FBN1: variants seen among roughly 807,000 people sequenced by gnomAD.
FBN1 encodes fibrillin-1.
In FBN1, 29 loss-of-function variants were observed where a neutral mutation model predicts 365.1. The ratio of observed to expected loss-of-function variants is 0.08; its 90% CI spans 0.06 to 0.11. The LOEUF is 0.11. FBN1 is among the 10% of genes least tolerant of loss of function. FBN1 has a pLI of 1.00. For synonymous variants in FBN1, 1,210 were observed against 1,270.5 expected, an observed-to-expected ratio of 0.95 and a Z score of 1.01; for missense variants, 2,476 against 3,703.2, an observed-to-expected ratio of 0.67 and a Z score of 8.60.
rs1597513298 is a variant in FBN1, at chr15:48,421,592, T to C, written c.7665A>G (p.Gly2555=). 4 of 1,613,534 alleles carry C rather than the reference T, an allele frequency of 2.5e-6. No homozygotes were observed. In the South Asian group the frequency reaches 4.4e-5, roughly 18 times the overall value. ...TGGAGCCGGTCTGATCAAGTGAGAA[T>C]CCCCGCTGGCATTCACAGGTGAAGC... is the stretch of plus-strand genomic sequence containing the variant. The part of the protein sequence containing the change: ...PGSFTCECQR[G]FSLDQTGSSC... The change falls in exon 62 of 66, where the codon GGA becomes GGG. Residue 2555 remains glycine (G), a synonymous_variant. Transcript: ENST00000316623.
intron 24 of FBN1, 70 bp from the exon 25 acceptor site, chr15:48,490,148 T>C (rs2043546457): frequency 7.7e-7 from 1 of 1,290,410 alleles, no homozygotes; most frequent in Admixed American, 1.8e-5. Context: ...GCCAACACTC[T>C]GTTAGGTAAA....
chr15:48,531,116 T>TC lies in FBN1; in HGVS notation c.862+2963dup, dbSNP rs1259653528. 4.6e-5 allele frequency among the ~76,000 whole-genome samples: 7 copies of TC among 152,346 alleles called. 1 individual carries two copies. Among genetic ancestry groups the TC allele is most frequent in the African/African-American group, 1.7e-4 (7 of 41,570 alleles). ...GGTGGGCATGAACTCTTTCCTTTTT[T>TC]CTCAAATCACAGCTATAAATCTCAA... On this transcript the variant is annotated intron_variant, in intron 8 of 65. Transcript: ENST00000316623.
intron 26 of FBN1, 63 bp from the exon 27 acceptor site, chr15:48,488,304 A>T: frequency 6.2e-7 from 1 of 1,612,658 alleles, no homozygotes; most frequent in Admixed American, 1.7e-5. Flanking sequence ...TTGCGACAAT[A>T]TGTTAAAGAT....
At chr15:48,503,659 G>T in intron 17 of FBN1, 128 bp downstream of exon 17, 3 of 1,225,728 alleles carry the variant, frequency 2.4e-6, no homozygotes, top group Non-Finnish European at 2.4e-6. Context: ...CCTCTGCCAA[G>T]ACCCCAAGAA....
chr15:48,443,024 CT>C (rs1318717201), intron 49 of FBN1, among the ~76,000 whole-genome samples: 1 of 152,122 alleles, frequency 6.6e-6, no homozygotes, highest in Non-Finnish European at 1.5e-5. Context: ...AGAAATTAAC[CT>C]TATTATCTTG....
rs575251601 is a variant in FBN1, at chr15:48,514,750, G to C, written c.1468+637C>G. 7.0e-4 allele frequency among the ~76,000 whole-genome samples: 106 copies of C among 152,214 alleles called. 1 individual carries two copies. Among genetic ancestry groups the C allele is most frequent in the African/African-American group, 2.2e-3 (92 of 41,532 alleles). The stretch of plus-strand genomic sequence containing the variant: ...TTTTTAACGCTTTCTTTTAATGGTA[G>C]GGCTTTTGGTAGGGTGTCTTAAATT... On this transcript the variant is annotated intron_variant, in intron 12 of 65. Coordinates refer to ENST00000316623, the MANE Select transcript of FBN1 (RefSeq NM_000138.5).
At chr15:48,429,599 G>A (rs899790326) in intron 56 of FBN1, among the ~76,000 whole-genome samples, 29 of 152,146 alleles carry the variant, frequency 1.9e-4, no homozygotes, top group Non-Finnish European at 7.4e-5. Flanking sequence ...CAATGCCCCA[G>A]CCACCCCCAG....
intron 8 of FBN1, among the ~76,000 whole-genome samples, chr15:48,526,576 T>C (rs974815884): frequency 2.0e-5 from 3 of 152,358 alleles, no homozygotes; most frequent in African/African-American, 7.2e-5. Context: ...TTTAAAATTT[T>C]GTTTTCCTTT....
chr15:48,468,533 A>T lies in FBN1; in HGVS notation c.4461T>A (p.Asp1487Glu). The change falls in exon 37 of 66, where the codon GAT becomes GAA. Residue 1487 changes from aspartate (D) to glutamate (E), a missense_variant and splice_region_variant. Asp to Glu is a conservative substitution (Grantham distance 45). Coordinates refer to ENST00000316623, the MANE Select transcript of FBN1 (RefSeq NM_000138.5). Reference protein sequence around the residue: ...ELDRSGGNCTDVNECLDPTTC... With the variant: ...ELDRSGGNCTEVNECLDPTTC... ...TGGTTGGATCCAGGCATTCATTCAC[A>T]TCTAAAACCGAACAGTGAGTAGTGG... The T allele has an allele frequency of 6.2e-7, 1 of 1,614,116 alleles. No homozygotes were observed. Among genetic ancestry groups the T allele is most frequent in the African/African-American group, 1.3e-5 (1 of 75,038 alleles).
intron 2 of FBN1, among the ~76,000 whole-genome samples, chr15:48,636,865 T>C (rs922539214): frequency 3.3e-5 from 5 of 152,198 alleles, no homozygotes; most frequent in African/African-American, 4.8e-5. Context: ...AAGAATAAAA[T>C]TGTTGTTTTA....
chr15:48,503,362 C>T (rs988454432), intron 17 of FBN1, among the ~76,000 whole-genome samples: 6 of 149,056 alleles, frequency 4.0e-5, no homozygotes, highest in Admixed American at 6.7e-5. Context: ...AAAATCAATA[C>T]GTGGGATGTA....
At chr15:48,621,169 A>G (rs1889758982) in intron 2 of FBN1, among the ~76,000 whole-genome samples, 1 of 152,260 alleles carries the variant, frequency 6.6e-6, no homozygotes, top group African/African-American at 2.4e-5. Flanking sequence ...CCGACTTTCA[A>G]ATAATTTTGT....
chr15:48,611,237 G>A (rs1032592790), intron 3 of FBN1, among the ~76,000 whole-genome samples: 1 of 152,120 alleles, frequency 6.6e-6, no homozygotes, highest in African/African-American at 2.4e-5. Context: ...ACTCTTGGGA[G>A]CCAATTTTAT....
intron 24 of FBN1, 21 bp from the exon 25 acceptor site, chr15:48,490,099 AG>A: frequency 6.2e-7 from 1 of 1,609,222 alleles, no homozygotes; most frequent in East Asian, 2.2e-5. Context: ...GAATCAAGGG[AG>A]GTTAAATAGA....
intron 11 of FBN1, 122 bp downstream of exon 11, chr15:48,516,061 A>T (rs2043797931): frequency 9.8e-7 from 1 of 1,023,288 alleles, no homozygotes; most frequent in African/African-American, 1.6e-5. Context: ...CATTATGTAA[A>T]CCAAAAATTA....
rs2043634237 is a variant in FBN1 at position 48,499,097 on chromosome 15, C to A, written c.2114-59G>T. The stretch of plus-strand genomic sequence containing the variant: ...TTGTTTGCAGAACAGGTAGATCCTG[C>A]CCTTGGTTTTGCACACATCATTTCC... On this transcript the variant is annotated intron_variant, in intron 17 of 65. Transcript: ENST00000316623. The A allele has an allele frequency of 9.6e-6, 15 of 1,567,252 alleles. 2 individuals are homozygous for A. The South Asian group carries it at 1.2e-4, about 13-fold the overall frequency.
In FBN1 at chr15:48,526,194, G is replaced by C; in HGVS notation, c.924C>G (p.Val308=). ...ICEGGECTNT[V]SSYFCKCPPG... ...GGGGACATTTGCAAAAGTAACTGCT[G>C]ACTGTGTTTGTACATTCACCCCCTT... The change falls in exon 9 of 66, where the codon GTC becomes GTG. Residue 308 remains valine (V), a synonymous_variant. Transcript: ENST00000316623. 1 of 1,614,046 alleles carries C rather than the reference G, an allele frequency of 6.2e-7. No individual in the cohort carries two copies. Among genetic ancestry groups the C allele is most frequent in the African/African-American group, 1.3e-5 (1 of 75,040 alleles).
At chr15:48,587,864 T>C (rs374933326) in intron 6 of FBN1, among the ~76,000 whole-genome samples, 28 of 152,302 alleles carry the variant, frequency 1.8e-4, no homozygotes, top group African/African-American at 6.7e-4. Flanking sequence ...ATCACTTATA[T>C]TTGATCAAAC....
chr15:48,552,282 T>C (rs534615961), intron 6 of FBN1, among the ~76,000 whole-genome samples: 142 of 151,838 alleles, frequency 9.4e-4, no homozygotes, highest in African/African-American at 3.2e-3. Flanking sequence ...TTTTCTTTTT[T>C]TTTTTTTTGA....
Sources: gnomAD v4.1 joint callset for allele counts (sites outside exome capture counted in the v4.1 genomes callset) on GRCh38, gnomAD v4.1.1 for gene constraint, MANE v1.5 for transcripts, NCBI Gene and HGNC (gene_info 2026-07-23, HGNC 2026-07-21) for gene names.